The following CEP43 variants were observed in gnomAD, a reference collection of about 807,000 sequenced individuals.
The protein encoded by CEP43 is centrosomal protein 43, also known as FGFR1 oncogene partner.
CEP43 carries 36 observed loss-of-function variants against 52.6 expected under a neutral mutation model. That is an observed-to-expected ratio of 0.68 (90% confidence interval 0.52 to 0.90). The LOEUF is 0.90. Ranked by LOEUF, CEP43 falls within the 40% of genes least tolerant of loss-of-function variation. The pLI is 0.00. For synonymous variants in CEP43, 192 were observed against 172.4 expected, an observed-to-expected ratio of 1.11 and a Z score of -0.89; for missense variants, 506 against 472.8, an observed-to-expected ratio of 1.07 and a Z score of -0.65.
chr6:167,003,284 G>C, intron 3 of CEP43, 37 bp downstream of exon 3: 1 of 1,194,712 alleles, frequency 8.4e-7, no homozygotes, highest in African/African-American at 1.6e-5. Context: ...ATCTATCTCT[G>C]AATTTTTGAA....
intron 5 of CEP43, among the ~76,000 whole-genome samples, chr6:167,006,223 A>G (rs750222304): frequency 2.0e-5 from 3 of 152,234 alleles, no homozygotes; most frequent in Non-Finnish European, 2.9e-5. Flanking sequence ...GCGAATTGAA[A>G]ATATTCGGAT....
chr6:167,018,219 A>G (rs1293468107), intron 7 of CEP43, among the ~76,000 whole-genome samples: 1 of 152,076 alleles, frequency 6.6e-6, no homozygotes, highest in African/African-American at 2.4e-5. Flanking sequence ...CTTTGAATGG[A>G]CTCATCTTAA....
chr6:166,999,428 G>C lies in CEP43; in HGVS notation c.16G>C (p.Ala6Pro), dbSNP rs539272016. 5.4e-6 allele frequency: 8 copies of C among 1,474,730 alleles called. No homozygotes were observed. In the South Asian group the frequency reaches 7.9e-5, roughly 15 times the overall value. The allele number at this position is 1,474,730 out of a possible 1,614,324, so 91.4% of individuals were successfully genotyped here. ...GAGAAGCAAGATGGCGGCGACGGCG[G>C]CCGCAGTGGTGGCCGAGGAGGACAC... MAATA[A>P]AVVAEEDTEL... The change falls in exon 1 of 13, where the codon GCC becomes CCC. Residue 6 changes from alanine to proline, a missense_variant. By Grantham distance (27) the Ala-to-Pro change is conservative. Coordinates refer to ENST00000366847, the MANE Select transcript of CEP43 (RefSeq NM_007045.4).
At chr6:167,036,917 A>G (rs985536342) in intron 12 of CEP43, 28 of 236,102 alleles carry the variant, frequency 1.2e-4, no homozygotes, top group East Asian at 1.8e-4. Context: ...AAGCAATTCT[A>G]CCTTAGCCTT....
Position 167,033,881 on chromosome 6 carries a change from C to A in CEP43, c.1035C>A (p.Ser345Arg), listed in dbSNP as rs766073592. The change falls in exon 12 of 13, where the codon AGC becomes AGA. Residue 345 changes from serine (S) to arginine (R), a missense_variant. By Grantham distance (110) the Ser-to-Arg change is moderately radical. Coordinates refer to ENST00000366847, the MANE Select transcript of CEP43 (RefSeq NM_007045.4). Reference sequence around the variant, plus strand: ...TTTCCCCTTCTGAAATTAGTACCAGCCATCGCTCAGAGAAAAGTGAGATAA... The same window carrying A: ...TTTCCCCTTCTGAAATTAGTACCAGACATCGCTCAGAGAAAAGTGAGATAA... ...DDYVDDFNST[S>R]HRSEKSEISI... 1.5e-5 allele frequency: 23 copies of A among 1,557,288 alleles called. No homozygotes were observed. The highest frequency in any genetic ancestry group is 2.7e-5 in the African/African-American group (2 of 72,888).
intron 7 of CEP43, among the ~76,000 whole-genome samples, chr6:167,013,971 TA>T (rs936390250): frequency 6.6e-6 from 1 of 152,054 alleles, no homozygotes; most frequent in African/African-American, 2.4e-5. Flanking sequence ...AGACTCTGTC[TA>T]AAAAAACAAA....
In CEP43 at chr6:167,044,587, C is replaced by T; in HGVS notation, c.*4609C>T. On this transcript the variant is annotated 3_prime_UTR_variant, in exon 13 of 13. Coordinates refer to ENST00000366847, the MANE Select transcript of CEP43 (RefSeq NM_007045.4). ...AGCAAGGCCTCTGAGGTAGGAGGGA[C>T]AGCGTTTTTGAATGTGAAATTTATT... The T allele has an allele frequency of 2.0e-6, 2 of 975,824 alleles. No homozygotes were observed. Among genetic ancestry groups the T allele is most frequent in the Non-Finnish European group, 2.4e-6 (2 of 821,166 alleles). 60.4% of individuals were successfully genotyped at this position (975,824 alleles called of 1,614,324 possible). A position where few individuals can be genotyped will look rare whatever the true frequency, so the allele number is the denominator to read the frequency against.
Position 167,041,981 on chromosome 6 carries a change from G to A in CEP43, c.*2003G>A, listed in dbSNP as rs560949916. ...TGGGATTACAGGTGCACACCACCAC[G>A]CCCGGCTAATTTTTGTATTTTTAGT... On this transcript the variant is annotated 3_prime_UTR_variant, in exon 13 of 13. Coordinates refer to ENST00000366847, the MANE Select transcript of CEP43 (RefSeq NM_007045.4). The A allele has an allele frequency of 7.9e-5, 32 of 403,572 alleles. No homozygotes were observed. The South Asian group carries it at 8.3e-4, about 10-fold the overall frequency. The allele number at this position is 403,572 out of a possible 1,614,324, so 25.0% of individuals were successfully genotyped here. A position where few individuals can be genotyped will look rare whatever the true frequency, so the allele number is the denominator to read the frequency against.
chr6:167,005,750 C>T (rs947182168), intron 5 of CEP43, among the ~76,000 whole-genome samples: 3 of 152,190 alleles, frequency 2.0e-5, no homozygotes, highest in African/African-American at 7.2e-5. Flanking sequence ...CTAAAGAACC[C>T]AGTCTCCTGG....
intron 5 of CEP43, among the ~76,000 whole-genome samples, chr6:167,008,013 C>T (rs532671619): frequency 4.8e-4 from 73 of 152,268 alleles, no homozygotes; most frequent in African/African-American, 1.7e-3. Context: ...CTGTTCCTTT[C>T]TTCTGTACGA....
At chr6:167,013,446 G>C in intron 6 of CEP43, 62 bp from the exon 7 acceptor site, 1 of 1,353,328 alleles carries the variant, frequency 7.4e-7, no homozygotes, top group Non-Finnish European at 1.1e-6. Context: ...TTGGTAATGA[G>C]TTAGTTTATT....
chr6:167,039,996 T>G lies in CEP43; in HGVS notation c.*18T>G. The G allele has an allele frequency of 6.2e-7, 1 of 1,612,826 alleles. No individual in the cohort carries two copies. The highest frequency in any genetic ancestry group is 1.1e-5 in the South Asian group (1 of 90,918). On this transcript the variant is annotated 3_prime_UTR_variant, in exon 13 of 13. Coordinates refer to ENST00000366847, the MANE Select transcript of CEP43 (RefSeq NM_007045.4). ...TTGCATAGACACGAAGAAGGAAGTA[T>G]TCTAATTAACAAGGACAGAGGACTG...
At chr6:167,020,637 C>T (rs1175710279) in intron 7 of CEP43, among the ~76,000 whole-genome samples, 1 of 152,084 alleles carries the variant, frequency 6.6e-6, no homozygotes, top group East Asian at 1.9e-4. Context: ...TATGGTGGCT[C>T]ACGGCTCACG....
In CEP43 at chr6:167,040,988, A is replaced by G; in HGVS notation, c.*1010A>G. The G allele has an allele frequency of 9.7e-7, 1 of 1,025,650 alleles. No homozygotes were observed. Among genetic ancestry groups the G allele is most frequent in the African/African-American group, 1.7e-5 (1 of 59,192 alleles). 63.5% of individuals were successfully genotyped at this position (1,025,650 alleles called of 1,614,324 possible). On this transcript the variant is annotated 3_prime_UTR_variant, in exon 13 of 13. Coordinates refer to ENST00000366847, the MANE Select transcript of CEP43 (RefSeq NM_007045.4). ...TATTATGTAGGTCACGGATGTTTAT[A>G]ATACTAAAGTATTTTAAAATGTGCA...
chr6:167,002,875 T>C (rs1779769311), intron 2 of CEP43, among the ~76,000 whole-genome samples: 2 of 152,222 alleles, frequency 1.3e-5, no homozygotes, highest in Admixed American at 6.5e-5. Flanking sequence ...ATGACAAAAC[T>C]TTTATCAAAC....
At chr6:167,032,750 T>G (rs1048871011) in intron 11 of CEP43, 108 bp downstream of exon 11, 8 of 989,862 alleles carry the variant, frequency 8.1e-6, no homozygotes, top group Admixed American at 2.6e-5. Context: ...ATGTATTTGA[T>G]TCTGTTGTTC....
At position 167,047,839 on chromosome 6, in the gene CEP43, C is replaced by T. The variant is rs897959830; in HGVS notation, c.*7861C>T. ...TGGATTTCTGGTCTTGACTCCACTA[C>T]CACTCAGAGGAACCTCACGGTGGAT... On this transcript the variant is annotated 3_prime_UTR_variant, in exon 13 of 13. Coordinates refer to ENST00000366847, the MANE Select transcript of CEP43 (RefSeq NM_007045.4). The T allele has an allele frequency of 1.2e-4, 18 of 152,042 alleles. No individual in the cohort carries two copies. The highest frequency in any genetic ancestry group is 4.3e-4 in the African/African-American group (18 of 41,388). 9.4% of individuals were successfully genotyped at this position (152,042 alleles called of 1,614,324 possible). A position where few individuals can be genotyped will look rare whatever the true frequency, so the allele number is the denominator to read the frequency against.
rs1780670066 is a variant in CEP43, at chr6:167,040,337, C to T, written c.*359C>T. On this transcript the variant is annotated 3_prime_UTR_variant, in exon 13 of 13. Coordinates refer to ENST00000366847, the MANE Select transcript of CEP43 (RefSeq NM_007045.4). ...GCGCAACCCTTTGTGTGTGTGGCTG[C>T]TGGTACGTGTGATCTTTGAAAACCT... 5 of 1,414,742 alleles carry T rather than the reference C, an allele frequency of 3.5e-6. No homozygotes were observed. The highest frequency in any genetic ancestry group is 1.5e-5 in the South Asian group (1 of 64,790). 87.6% of individuals were successfully genotyped at this position (1,414,742 alleles called of 1,614,324 possible). A position where few individuals can be genotyped will look rare whatever the true frequency, so the allele number is the denominator to read the frequency against.
intron 2 of CEP43, 137 bp downstream of exon 2, chr6:167,000,250 TGAGA>T (rs1337460606): frequency 2.4e-5 from 15 of 617,986 alleles, no homozygotes; most frequent in Non-Finnish European, 3.7e-5. Context: ...ACATTACTAT[TGAGA>T]GAGAGCCAAA....
Sources: gnomAD v4.1 joint callset for allele counts (sites outside exome capture counted in the v4.1 genomes callset) on GRCh38, gnomAD v4.1.1 for gene constraint, MANE v1.5 for transcripts, NCBI Gene and HGNC (gene_info 2026-07-23, HGNC 2026-07-21) for gene names.